Variants in XPO4 observed in about 807,000 individuals in gnomAD.
XPO4 encodes exportin-4.
XPO4 carries 39 observed loss-of-function variants against 143.0 expected under a neutral mutation model. The observed-to-expected ratio is 0.27, with a 90% CI of 0.21 to 0.36. The LOEUF (loss-of-function observed/expected upper bound fraction) is 0.36, where lower values mean the gene tolerates loss of function less well. XPO4 is among the 10% of genes least tolerant of loss of function. XPO4 has a pLI of 1.00. For missense variants in XPO4, 907 were observed against 1,348.0 expected, an observed-to-expected ratio of 0.67 and a Z score of 5.12; for synonymous variants, 439 against 474.0, an observed-to-expected ratio of 0.93 and a Z score of 0.96.
Position 20,800,909 on chromosome 13 carries a change from C to A in XPO4, c.1899G>T (p.Gln633His). 6.2e-7 allele frequency: 1 copy of A among 1,614,054 alleles called. No homozygotes were observed. Among genetic ancestry groups the A allele is most frequent in the Non-Finnish European group, 8.5e-7 (1 of 1,179,980 alleles). ...RADLTHLLSP[Q>H]MGKDIVWFLK... ...AAAACCAAACAATATCTTTGCCCAT[C>A]TGGGGACTTAGTAGATGAGTGAGAT... The change falls in exon 14 of 23, where the codon CAG (glutamine) becomes CAT (histidine). Residue 633 changes from glutamine to histidine, a missense_variant. By Grantham distance (24) the Gln-to-His change is conservative (BLOSUM62 0). Coordinates refer to ENST00000255305, the MANE Select transcript of XPO4 (RefSeq NM_022459.5).
chr13:20,837,642 A>C (rs568869648), intron 6 of XPO4, among the ~76,000 whole-genome samples: 1 of 152,302 alleles, frequency 6.6e-6, no homozygotes, highest in East Asian at 1.9e-4. Flanking sequence ...GAGATTGAGC[A>C]ATTTACAAAA....
At chr13:20,876,323 G>A (rs927892738) in intron 1 of XPO4, among the ~76,000 whole-genome samples, 2 of 148,078 alleles carry the variant, frequency 1.4e-5, no homozygotes, top group African/African-American at 5.0e-5. Context: ...ATCTAAACAC[G>A]TATGAAGACA....
chr13:20,812,732 C>T (rs569667532), intron 9 of XPO4, among the ~76,000 whole-genome samples: 184 of 152,262 alleles, frequency 1.2e-3, no homozygotes, highest in African/African-American at 3.6e-3. Flanking sequence ...TTAGTTCTGA[C>T]AAATGTACCA....
intron 1 of XPO4, among the ~76,000 whole-genome samples, chr13:20,886,693 G>A (rs1205261480): frequency 6.6e-6 from 1 of 152,050 alleles, no homozygotes; most frequent in African/African-American, 2.4e-5. Flanking sequence ...AATAAAATTG[G>A]AGAGGAAAAA....
chr13:20,876,206 G>A (rs1232584247), intron 1 of XPO4, among the ~76,000 whole-genome samples: 1 of 146,454 alleles, frequency 6.8e-6, no homozygotes, highest in Admixed American at 6.9e-5. Context: ...AGGTTGCAGT[G>A]AGCCAAGATT....
chr13:20,888,267 T>C (rs1218720539), intron 1 of XPO4, among the ~76,000 whole-genome samples: 1 of 152,084 alleles, frequency 6.6e-6, no homozygotes, highest in East Asian at 1.9e-4. Context: ...ATCAACCCTA[T>C]TACATTACCC....
intron 1 of XPO4, among the ~76,000 whole-genome samples, chr13:20,889,643 GA>G (rs1355983524): frequency 6.6e-6 from 1 of 151,982 alleles, no homozygotes; most frequent in Non-Finnish European, 1.5e-5. Context: ...ATCAATGAAC[GA>G]ACATACTTCC....
In XPO4 at chr13:20,800,259, G is replaced by C. The variant is rs1404152131; in HGVS notation, c.2044C>G (p.Leu682Val). Residue 682 changes from leucine (L) to valine (V), a missense_variant, in exon 15 of 23, where the codon CTC (leucine) becomes GTC (valine). Physicochemically the swap from Leu to Val is conservative, Grantham distance 32 (BLOSUM62 1). Transcript: ENST00000255305. ...AGGTTACTGATGACTTTTTGTAAGAGGTAGCCAATTATCCACTGAGAACCC... is the reference window on the plus strand; with the variant it reads ...AGGTTACTGATGACTTTTTGTAAGACGTAGCCAATTATCCACTGAGAACCC... ...TEGSQWIIGY[L>V]LQKVISNLSV... is the part of the protein sequence containing the mutation. 2 of 1,613,916 alleles carry C rather than the reference G, an allele frequency of 1.2e-6. No individual in the cohort carries two copies. The highest frequency in any genetic ancestry group is 1.7e-6 in the Non-Finnish European group (2 of 1,180,024).
At chr13:20,850,766 A>G in intron 4 of XPO4, 1 of 982,790 alleles carries the variant, frequency 1.0e-6, no homozygotes, top group Non-Finnish European at 1.2e-6. Flanking sequence ...CCCTGTTTCT[A>G]AAACAACAAA....
rs528449144 is a variant in XPO4, at chr13:20,811,795, C to T, written c.1174-1828G>A. On this transcript the variant is annotated intron_variant, in intron 9 of 22. Coordinates refer to ENST00000255305, the MANE Select transcript of XPO4 (RefSeq NM_022459.5). ...TTTACCCTGACAGCTGGGAAGATTC[C>T]TACAATACAGAAGGATGGGGGTGTT... 2.0e-5 allele frequency among the ~76,000 whole-genome samples: 3 copies of T among 152,176 alleles called. No homozygotes were observed. In the East Asian group the frequency reaches 5.8e-4, roughly 29 times the overall value.
intron 4 of XPO4, chr13:20,848,595 T>C (rs2060051137): frequency 4.1e-6 from 4 of 985,356 alleles, no homozygotes; most frequent in Non-Finnish European, 4.8e-6. Context: ...GATGATGATC[T>C]ACATTCTGCA....
chr13:20,815,995 G>C (rs1421821693), intron 9 of XPO4, among the ~76,000 whole-genome samples: 2 of 152,130 alleles, frequency 1.3e-5, no homozygotes, highest in African/African-American at 2.4e-5. Context: ...ACAGAAAAAG[G>C]CTCCATCAAT....
chr13:20,845,578 A>G (rs931725818), intron 4 of XPO4, among the ~76,000 whole-genome samples: 2 of 152,242 alleles, frequency 1.3e-5, no homozygotes, highest in Admixed American at 6.5e-5. Flanking sequence ...AGTTGATCAC[A>G]TATTTCTGTC....
chr13:20,828,490 A>C (rs552853871), intron 6 of XPO4, among the ~76,000 whole-genome samples: 15 of 152,288 alleles, frequency 9.8e-5, no homozygotes, highest in African/African-American at 3.6e-4. Context: ...AATGCTCTGG[A>C]AACTTTTTTT....
intron 9 of XPO4, among the ~76,000 whole-genome samples, chr13:20,820,237 A>G (rs2059702011): frequency 6.6e-6 from 1 of 152,254 alleles, no homozygotes. Flanking sequence ...CAGGCTTTCT[A>G]TATTCCAACA....
intron 4 of XPO4, chr13:20,852,943 C>A: frequency 1.0e-6 from 1 of 985,388 alleles, no homozygotes; most frequent in Non-Finnish European, 1.2e-6. Context: ...ATGGAAAATG[C>A]TTTTGCGGTC....
At chr13:20,832,772 C>T (rs571854498) in intron 6 of XPO4, among the ~76,000 whole-genome samples, 2 of 152,288 alleles carry the variant, frequency 1.3e-5, no homozygotes, top group East Asian at 3.9e-4. Flanking sequence ...CTTTGAAATA[C>T]ATGAGTGACC....
At chr13:20,835,073 T>C (rs1173585773) in intron 6 of XPO4, among the ~76,000 whole-genome samples, 1 of 152,194 alleles carries the variant, frequency 6.6e-6, no homozygotes. Flanking sequence ...GGTGCAATCA[T>C]AGTTCAAGGT....
chr13:20,873,774 G>A (rs1180906169), intron 1 of XPO4, among the ~76,000 whole-genome samples: 2 of 152,122 alleles, frequency 1.3e-5, no homozygotes, highest in African/African-American at 4.8e-5. Context: ...GGGACTACAG[G>A]CACGCACCAC....
Sources: allele counts gnomAD v4.1 joint callset (sites outside exome capture counted in the v4.1 genomes callset), GRCh38; gene constraint gnomAD v4.1.1; transcripts MANE v1.5; gene names NCBI Gene and HGNC (gene_info 2026-07-23, HGNC 2026-07-21).